The following PKD1L1 variants were observed in gnomAD, a reference collection of about 807,000 sequenced individuals.
PKD1L1 encodes the protein polycystin 1 like 1, transient receptor potential channel interacting.
A neutral mutation model predicts 323.4 loss-of-function variants in PKD1L1; 236 were observed. The observed-to-expected ratio is 0.73, with a 90% CI of 0.66 to 0.81. The LOEUF (loss-of-function observed/expected upper bound fraction) is 0.81, where lower values mean the gene tolerates loss of function less well. PKD1L1 is among the 40% of genes least tolerant of loss of function. PKD1L1 has a pLI of 0.00. For missense variants in PKD1L1, 3,320 were observed against 3,508.0 expected (o/e 0.95, Z 1.35); for synonymous variants, 1,344 against 1,335.0 (o/e 1.01, Z -0.15).
At chr7:47,896,693 A>C (rs1786944034) in intron 14 of PKD1L1, among the ~76,000 whole-genome samples, 1 of 152,070 alleles carries the variant, frequency 6.6e-6, no homozygotes, top group South Asian at 2.1e-4. Flanking sequence ...TCATTAGGAA[A>C]ATGAAGAGCA....
chr7:47,925,162 A>G (rs1787633425), intron 7 of PKD1L1, among the ~76,000 whole-genome samples: 1 of 152,196 alleles, frequency 6.6e-6, no homozygotes, highest in Admixed American at 6.5e-5. Context: ...CCCTTTTATA[A>G]TACAATAGTG....
At chr7:47,783,931 G>A (rs936264024) in intron 56 of PKD1L1, among the ~76,000 whole-genome samples, 5 of 152,186 alleles carry the variant, frequency 3.3e-5, no homozygotes, top group Non-Finnish European at 7.3e-5. Flanking sequence ...AGCCGACAGT[G>A]TATTTTAGTC....
At chr7:47,822,841 A>G (rs1200304013) in intron 45 of PKD1L1, among the ~76,000 whole-genome samples, 1 of 152,168 alleles carries the variant, frequency 6.6e-6, no homozygotes, top group Non-Finnish European at 1.5e-5. Context: ...TGTAAATAGT[A>G]TTCCTTTTTA....
Position 47,813,577 on chromosome 7 carries a change from G to A in PKD1L1, c.7174-284C>T, listed in dbSNP as rs187877023. The stretch of plus-strand genomic sequence containing the variant: ...CCCATCATGAGATGCCAGGTAAAAT[G>A]CCTGTCTCAGGGCATACCCTCCCCA... On this transcript the variant is annotated intron_variant, in intron 48 of 56. Transcript: ENST00000289672. The A allele has an allele frequency of 3.3e-4, 221 of 670,802 alleles. No homozygotes were observed. The African/African-American group carries it at 3.6e-3, about 11-fold the overall frequency. The allele number at this position is 670,802 out of a possible 1,614,324, so 41.6% of individuals were successfully genotyped here. A position where few individuals can be genotyped will look rare whatever the true frequency, so the allele number is the denominator to read the frequency against.
chr7:47,915,635 TG>T (rs757364699), intron 7 of PKD1L1, 36 bp from the exon 8 acceptor site: 2 of 1,322,540 alleles, frequency 1.5e-6, no homozygotes, highest in Admixed American at 2.3e-5. Flanking sequence ...AAGATAAAAG[TG>T]GAAATTAATA....
rs200570381 is a variant in PKD1L1 at position 47,781,387 on chromosome 7, G to GT, written c.8527-6222dup. Among the ~76,000 whole-genome samples, 288 of 121,654 alleles carry GT rather than the reference G, an allele frequency of 2.4e-3. 4 individuals are homozygous for GT. Among genetic ancestry groups the GT allele is most frequent in the African/African-American group, 6.4e-3 (213 of 33,496 alleles). 79.8% of individuals were successfully genotyped at this position (121,654 alleles called of 152,430 possible). A position where few individuals can be genotyped will look rare whatever the true frequency, so the allele number is the denominator to read the frequency against. On this transcript the variant is annotated intron_variant, in intron 56 of 56. Transcript: ENST00000289672. ...AATAAAGTCATTTGCAGAACAAAAG[G>GT]TTTTTTTTTTTGTTTTGTTTTGTTT...
At chr7:47,874,497 T>G (rs1221262348) in intron 23 of PKD1L1, among the ~76,000 whole-genome samples, 1 of 152,154 alleles carries the variant, frequency 6.6e-6, no homozygotes, top group Non-Finnish European at 1.5e-5. Flanking sequence ...TGAAACTCAG[T>G]GCCAAGGATT....
rs566266046 is a variant in PKD1L1, at chr7:47,891,818, T to C, written c.2454-1055A>G. Among the ~76,000 whole-genome samples the C allele has an allele frequency of 5.3e-5, 8 of 152,276 alleles. No individual in the cohort carries two copies. In the South Asian group the frequency reaches 8.3e-4, roughly 16 times the overall value. On this transcript the variant is annotated intron_variant, in intron 15 of 56. Coordinates refer to ENST00000289672, the MANE Select transcript of PKD1L1 (RefSeq NM_138295.5). ...TAGGGCATGCGGATGTGAAGATGAG[T>C]AAGACACAGCCTCTGTCTCCTTAGG... is the stretch of plus-strand genomic sequence containing the variant.
intron 38 of PKD1L1, 29 bp downstream of exon 38, chr7:47,835,094 GCTCAGGAGAA>G (rs1245507260): frequency 1.2e-6 from 2 of 1,606,600 alleles, no homozygotes; most frequent in Non-Finnish European, 1.7e-6. Context: ...TGAAGGGGCT[GCTCAGGAGAA>G]CAGGGCCATG....
Position 47,815,342 on chromosome 7 carries a change from C to G in PKD1L1, c.7081G>C (p.Gly2361Arg). 2.5e-6 allele frequency: 4 copies of G among 1,614,020 alleles called. No homozygotes were observed. Among genetic ancestry groups the G allele is most frequent in the Non-Finnish European group, 2.5e-6 (3 of 1,179,972 alleles). ...GGAGACGGAAAGCTCACCTGAGCCC[C>G]CGGCACACGGGCTGACGGGGTGCCT... The part of the protein sequence containing the change: ...PGGTPSARVP[G>R]AQPGALGGKC... The change falls in exon 47 of 57, where the codon GGG (glycine) becomes CGG (arginine). Residue 2361 changes from glycine to arginine, a missense_variant. Coordinates refer to ENST00000289672, the MANE Select transcript of PKD1L1 (RefSeq NM_138295.5).
chr7:47,940,075 C>T (rs1787952191), intron 3 of PKD1L1, 118 bp downstream of exon 3: 1 of 1,356,180 alleles, frequency 7.4e-7, no homozygotes. Context: ...CACAAACACA[C>T]ATGATAGGAA....
chr7:47,845,190 A>G (rs1260171283), intron 32 of PKD1L1, 112 bp from the exon 33 acceptor site: 3 of 827,620 alleles, frequency 3.6e-6, no homozygotes, highest in East Asian at 2.7e-5. Flanking sequence ...TGCAATAATG[A>G]TAACTTTATG....
At chr7:47,775,208 C>G in intron 56 of PKD1L1, 42 bp from the exon 57 acceptor site, 1 of 1,612,806 alleles carries the variant, frequency 6.2e-7, no homozygotes, top group East Asian at 2.2e-5. Context: ...CAACACCCCT[C>G]TCTCAGTGAT....
Position 47,890,547 on chromosome 7 carries a change from C to T in PKD1L1, c.2670G>A (p.Ala890=), listed in dbSNP as rs775547339. 114 of 1,613,850 alleles carry T rather than the reference C, an allele frequency of 7.1e-5. 1 individual carries two copies. The highest frequency in any genetic ancestry group is 3.8e-4 in the Admixed American group (23 of 60,008). The change falls in exon 16 of 57, where the codon GCG becomes GCA. Residue 890 remains alanine, a synonymous_variant. Transcript: ENST00000289672. ...CTGAATACAGGGTCAGGTACCTGAA[C>T]GCCGAGTCAGGGTAGGGGGACAGGA... ...RVFLSPYPDS[A]FRFVHISWVS... is the part of the protein sequence containing the mutation.
intron 8 of PKD1L1, among the ~76,000 whole-genome samples, chr7:47,912,277 C>T (rs550087347): frequency 2.6e-5 from 4 of 151,660 alleles, no homozygotes; most frequent in African/African-American, 9.7e-5. Flanking sequence ...ATGAGGAAAG[C>T]GGATCAGATG....
chr7:47,960,233 G>A, the PKD1L1 span, among the ~76,000 whole-genome samples: 32 of 149,728 alleles, frequency 2.1e-4, no homozygotes, highest in South Asian at 2.8e-3. Context: ...CAAACACTGC[G>A]GAAGGCCGCA....
At position 47,907,393 on chromosome 7, in the gene PKD1L1, T is replaced by A. The variant is rs115989918; in HGVS notation, c.1402+684A>T. On this transcript the variant is annotated intron_variant, in intron 9 of 56. Coordinates refer to ENST00000289672, the MANE Select transcript of PKD1L1 (RefSeq NM_138295.5). ...TGTTGCAAAGTGTAGGGACTCTTTT[T>A]TCTACGGTAAGTGGCTGGAGTTCCC... 3.9e-5 allele frequency among the ~76,000 whole-genome samples: 6 copies of A among 152,158 alleles called. No individual in the cohort carries two copies. In the East Asian group the frequency reaches 1.2e-3, roughly 29 times the overall value.
Position 47,865,568 on chromosome 7 carries a change from A to ATTATT in PKD1L1, c.4093-301_4093-297dup, listed in dbSNP as rs376413474. On this transcript the variant is annotated intron_variant, in intron 25 of 56. Transcript: ENST00000289672. ...TGCAGAGCTAAGCAACAATTTATTT[A>ATTATT]TTATTTTATTTTATTTTATTTTATT... Among the ~76,000 whole-genome samples the ATTATT allele has an allele frequency of 1.5e-3, 213 of 140,576 alleles. 2 individuals carry two copies. Among genetic ancestry groups the ATTATT allele is most frequent in the African/African-American group, 2.1e-3 (76 of 36,010 alleles). The allele number at this position is 140,576 out of a possible 152,430, so 92.2% of individuals were successfully genotyped here.
chr7:47,806,154 G>C (rs897619906), intron 52 of PKD1L1, among the ~76,000 whole-genome samples: 5 of 152,158 alleles, frequency 3.3e-5, no homozygotes, highest in African/African-American at 1.2e-4. Flanking sequence ...CAAGTCACCA[G>C]GTCAGTATGT....
Sources: gnomAD v4.1 joint callset for allele counts (sites outside exome capture counted in the v4.1 genomes callset) on GRCh38, gnomAD v4.1.1 for gene constraint, MANE v1.5 for transcripts, NCBI Gene and HGNC (gene_info 2026-07-23, HGNC 2026-07-21) for gene names.